PTPRT: variants seen among roughly 807,000 people sequenced by gnomAD.
The protein encoded by PTPRT is protein tyrosine phosphatase receptor type T, also known as receptor-type tyrosine-protein phosphatase T.
In PTPRT, 56 loss-of-function variants were observed where a neutral mutation model predicts 176.8. That is an observed-to-expected ratio of 0.32 (90% CI 0.26 to 0.40). The LOEUF (loss-of-function observed/expected upper bound fraction) is 0.40, where lower values mean the gene tolerates loss of function less well. PTPRT is among the 10% of genes least tolerant of loss of function. PTPRT has a pLI of 1.00. For synonymous variants in PTPRT, 783 were observed against 739.0 expected (o/e 1.06, Z -0.96); for missense variants, 1,540 against 1,908.2 (o/e 0.81, Z 3.60).
intron 15 of PTPRT, among the ~76,000 whole-genome samples, chr20:42,205,380 T>C (rs771709169): frequency 6.6e-6 from 1 of 152,174 alleles, no homozygotes; most frequent in African/African-American, 2.4e-5. Context: ...AATGAGCAAG[T>C]ACGTTGAATC....
At chr20:42,866,098 A>G (rs960741035) in intron 2 of PTPRT, among the ~76,000 whole-genome samples, 5 of 152,222 alleles carry the variant, frequency 3.3e-5, no homozygotes, top group Admixed American at 3.3e-4. Flanking sequence ...GATAGGACCC[A>G]GGAATCTGCT....
intron 1 of PTPRT, among the ~76,000 whole-genome samples, chr20:43,182,640 C>G (rs919554876): frequency 3.3e-5 from 5 of 152,158 alleles, no homozygotes; most frequent in South Asian, 2.1e-4. Context: ...ATCCATCCAC[C>G]TCGGCCTCCC....
intron 15 of PTPRT, among the ~76,000 whole-genome samples, chr20:42,202,893 G>A (rs758699412): frequency 7.9e-5 from 12 of 152,128 alleles, no homozygotes; most frequent in Non-Finnish European, 1.8e-4. Context: ...TGAAAGCCTT[G>A]CTGCTTTTAT....
chr20:42,160,010 T>C (rs1989518842), intron 17 of PTPRT, among the ~76,000 whole-genome samples: 1 of 152,152 alleles, frequency 6.6e-6, no homozygotes, highest in Non-Finnish European at 1.5e-5. Flanking sequence ...TCTCAGAATA[T>C]AGTCTGAGGG....
chr20:42,829,913 C>A (rs146100365), intron 2 of PTPRT, among the ~76,000 whole-genome samples: 25 of 152,112 alleles, frequency 1.6e-4, no homozygotes, highest in African/African-American at 6.0e-4. Context: ...AGTTTATTCC[C>A]GAACAGACCA....
intron 11 of PTPRT, among the ~76,000 whole-genome samples, chr20:42,324,288 C>T (rs142749123): frequency 7.1e-4 from 108 of 152,154 alleles, no homozygotes; most frequent in Admixed American, 4.7e-3. Context: ...TTGTATGATT[C>T]TATTCGTATT....
intron 9 of PTPRT, among the ~76,000 whole-genome samples, chr20:42,429,834 C>T (rs1436173956): frequency 6.6e-6 from 1 of 152,098 alleles, no homozygotes; most frequent in African/African-American, 2.4e-5. Context: ...GAGCAGGGTG[C>T]TGAGGATGCA....
At chr20:42,038,252 G>A in the PTPRT span, among the ~76,000 whole-genome samples, 41 of 152,296 alleles carry the variant, frequency 2.7e-4, no homozygotes, top group African/African-American at 9.9e-4. Flanking sequence ...TCGGCTCAGA[G>A]AGGTAAAGTG....
intron 8 of PTPRT, among the ~76,000 whole-genome samples, chr20:42,457,405 A>T (rs1304782948): frequency 6.6e-6 from 1 of 152,174 alleles, no homozygotes; most frequent in Admixed American, 6.5e-5. Flanking sequence ...TTTTGTTTTT[A>T]AAAATCTTGT....
At chr20:42,251,106 G>C (rs1281019749) in intron 13 of PTPRT, among the ~76,000 whole-genome samples, 4 of 152,226 alleles carry the variant, frequency 2.6e-5, no homozygotes, top group Admixed American at 6.5e-5. Flanking sequence ...AAAGGAAGGG[G>C]AGAATCTCAG....
rs1038415028 is a variant in PTPRT, at chr20:42,614,023, T to A, written c.1153+63843A>T. Among the ~76,000 whole-genome samples, 19 of 151,686 alleles carry A rather than the reference T, an allele frequency of 1.3e-4. No homozygotes were observed. In the East Asian group the frequency reaches 3.5e-3, roughly 28 times the overall value. ...GGGGCTTAACAATAGGAATTTATCA[T>A]CCTATTGTTCTAGAAACTGAAAGTC... On this transcript the variant is annotated intron_variant, in intron 7 of 30. Transcript: ENST00000373187.
chr20:42,914,875 GT>G (rs1360284337), intron 1 of PTPRT, among the ~76,000 whole-genome samples: 2 of 148,142 alleles, frequency 1.4e-5, no homozygotes, highest in Admixed American at 6.6e-5. Flanking sequence ...AAAGTGTACA[GT>G]TAAAAAAAAA....
At chr20:42,804,349 A>C (rs1286837638) in intron 2 of PTPRT, among the ~76,000 whole-genome samples, 6 of 152,092 alleles carry the variant, frequency 3.9e-5, no homozygotes, top group African/African-American at 1.4e-4. Context: ...CACAATGCAG[A>C]CCCCAACCAT....
chr20:42,225,267 T>C (rs2055980102), intron 15 of PTPRT, among the ~76,000 whole-genome samples: 1 of 152,060 alleles, frequency 6.6e-6, no homozygotes, highest in Admixed American at 6.6e-5. Context: ...TCTCTCTCTC[T>C]CCCTCCCTCC....
intron 1 of PTPRT, among the ~76,000 whole-genome samples, chr20:43,161,175 G>A (rs968495121): frequency 3.9e-5 from 6 of 152,192 alleles, no homozygotes; most frequent in African/African-American, 9.7e-5. Context: ...TTTCTGTGTC[G>A]ATGTATTGCC....
At chr20:42,968,397 TG>T (rs1438625908) in intron 1 of PTPRT, among the ~76,000 whole-genome samples, 2 of 152,052 alleles carry the variant, frequency 1.3e-5, no homozygotes, top group East Asian at 3.9e-4. Context: ...AGGGATCCAG[TG>T]GAGAGAGAGA....
chr20:43,057,467 A>G (rs1019575957), intron 1 of PTPRT, among the ~76,000 whole-genome samples: 1 of 152,022 alleles, frequency 6.6e-6, no homozygotes, highest in Non-Finnish European at 1.5e-5. Context: ...AAAGGAAAGG[A>G]AAAAGGAAAA....
At chr20:42,583,845 T>G (rs2073423051) in intron 7 of PTPRT, among the ~76,000 whole-genome samples, 1 of 152,232 alleles carries the variant, frequency 6.6e-6, no homozygotes, top group African/African-American at 2.4e-5. Flanking sequence ...TGAAATAAAC[T>G]AGGCCCCTTT....
At chr20:42,969,981 G>A (rs1982526755) in intron 1 of PTPRT, among the ~76,000 whole-genome samples, 1 of 152,158 alleles carries the variant, frequency 6.6e-6, no homozygotes, top group Admixed American at 6.5e-5. Context: ...AGAAAAGGTA[G>A]GAAACTTTCC....
Sources: allele counts gnomAD v4.1 joint callset (sites outside exome capture counted in the v4.1 genomes callset), GRCh38; gene constraint gnomAD v4.1.1; transcripts MANE v1.5; gene names NCBI Gene and HGNC (gene_info 2026-07-23, HGNC 2026-07-21).